The following NLGN4X variants were observed in gnomAD, a reference collection of about 807,000 sequenced individuals.
NLGN4X encodes neuroligin-4, X-linked.
In NLGN4X, 3 loss-of-function variants were observed where a neutral mutation model predicts 40.3. That is an observed-to-expected ratio of 0.07 (90% CI 0.03 to 0.19). NLGN4X has a LOEUF of 0.19. NLGN4X is among the 10% of genes least tolerant of loss of function. NLGN4X has a pLI of 1.00. For synonymous variants in NLGN4X, 270 were observed against 306.8 expected (o/e 0.88, Z 1.25); for missense variants, 382 against 708.3 (o/e 0.54, Z 5.23).
chrX:5,936,643 A>G (rs1436856697), intron 3 of NLGN4X, among the ~76,000 whole-genome samples: 1 of 111,965 alleles, frequency 8.9e-6, no homozygotes, highest in Non-Finnish European at 1.9e-5. Flanking sequence ...TGTTACTGGA[A>G]TTGGTACATA....
chrX:6,223,467 T>G (rs902270998), intron 1 of NLGN4X, among the ~76,000 whole-genome samples: 3 of 112,501 alleles, frequency 2.7e-5, no homozygotes, highest in African/African-American at 9.7e-5. Flanking sequence ...CATCTATACA[T>G]TTATTCAAAG....
intron 3 of NLGN4X, among the ~76,000 whole-genome samples, chrX:5,979,407 C>CA (rs1291351056): frequency 1.8e-5 from 2 of 110,294 alleles, no homozygotes; most frequent in Non-Finnish European, 3.8e-5. Context: ...GGTTTAACAA[C>CA]AAAAAAATTG....
chrX:6,192,283 A>G (rs12854839), intron 1 of NLGN4X, among the ~76,000 whole-genome samples: 54,492 of 108,773 alleles, frequency 0.5, 10,258 homozygotes, highest in Non-Finnish European at 0.58. Context: ...GTGCATCACC[A>G]TGTCTGGCTA....
chrX:5,918,043 T>C (rs2032879400), intron 3 of NLGN4X, among the ~76,000 whole-genome samples: 1 of 111,888 alleles, frequency 8.9e-6, no homozygotes, highest in Non-Finnish European at 1.9e-5. Flanking sequence ...TTACGGCAAA[T>C]GCTCATTCAA....
intron 2 of NLGN4X, among the ~76,000 whole-genome samples, chrX:6,063,497 T>G (rs12848943): frequency 0.21 from 22,990 of 110,572 alleles, 1,852 homozygotes; most frequent in Admixed American, 0.26. Flanking sequence ...TAAAACCTAA[T>G]TTATTTAACT....
chrX:6,215,903 G>A (rs182520775), intron 1 of NLGN4X, among the ~76,000 whole-genome samples: 1,344 of 104,792 alleles, frequency 0.013, 23 homozygotes, highest in African/African-American at 0.044. Context: ...TTGAGAGAGA[G>A]TCTTGCTCTG....
chrX:6,061,332 T>A (rs1416448208), intron 2 of NLGN4X, among the ~76,000 whole-genome samples: 1 of 110,601 alleles, frequency 9.0e-6, no homozygotes. Flanking sequence ...TACACTGTAC[T>A]GATTGATAAC....
intron 2 of NLGN4X, among the ~76,000 whole-genome samples, chrX:6,064,262 C>T (rs1404789863): frequency 9.0e-6 from 1 of 111,184 alleles, no homozygotes; most frequent in Non-Finnish European, 1.9e-5. Context: ...ATCGACTCTA[C>T]ATGACAGCAA....
chrX:6,108,023 A>C (rs944901544), intron 2 of NLGN4X, among the ~76,000 whole-genome samples: 2 of 111,883 alleles, frequency 1.8e-5, no homozygotes, highest in African/African-American at 6.5e-5. Context: ...CCTTCCCACA[A>C]CACAGTGCTG....
chrX:6,035,415 G>T (rs1318474399), intron 2 of NLGN4X, among the ~76,000 whole-genome samples: 2 of 111,739 alleles, frequency 1.8e-5, no homozygotes, highest in Non-Finnish European at 3.8e-5. Context: ...CTGTGTTGCT[G>T]AAGTTTCCTA....
At chrX:5,999,421 C>T (rs1361291716) in intron 3 of NLGN4X, among the ~76,000 whole-genome samples, 2 of 112,341 alleles carry the variant, frequency 1.8e-5, no homozygotes, top group African/African-American at 3.2e-5. Context: ...AAAGCTCAGC[C>T]ATGCTGTCAC....
At position 6,151,425 on chromosome X, in the gene NLGN4X, G is replaced by A; in HGVS notation, c.42C>T (p.Phe14=). ...AGTTTAACATGACGCAGACCGGGGT[G>A]AACAACAAAGGAAGCCATAGCAGTC... ...PQGLLWLPLL[F]TPVCVMLNSN... Residue 14 remains phenylalanine, a synonymous_variant, in exon 2 of 6, where the codon TTC becomes TTT. Transcript: ENST00000381095. The A allele has an allele frequency of 8.3e-7, 1 of 1,211,375 alleles. No homozygotes were observed.
At chrX:6,181,071 C>A (rs952105282) in intron 1 of NLGN4X, among the ~76,000 whole-genome samples, 1 of 111,352 alleles carries the variant, frequency 9.0e-6, no homozygotes, top group African/African-American at 3.3e-5. Flanking sequence ...TAGGATGGAA[C>A]TTAATTTTCA....
intron 1 of NLGN4X, among the ~76,000 whole-genome samples, chrX:6,191,862 T>TA (rs764131442): frequency 5.5e-5 from 6 of 109,817 alleles, no homozygotes; most frequent in African/African-American, 2.0e-4. Context: ...CTATCTCAAA[T>TA]AAAAAAAAAG....
chrX:5,951,366 A>G (rs7888612), intron 3 of NLGN4X, among the ~76,000 whole-genome samples: 5,093 of 111,690 alleles, frequency 0.046, 309 homozygotes, highest in African/African-American at 0.16. Flanking sequence ...GAATAAAAAT[A>G]TAAGGCAATC....
chrX:6,208,525 C>G (rs561658440), intron 1 of NLGN4X, among the ~76,000 whole-genome samples: 1 of 112,312 alleles, frequency 8.9e-6, no homozygotes, highest in South Asian at 3.6e-4. Context: ...TCTCATTGCA[C>G]TCTTTGCCCA....
intron 2 of NLGN4X, among the ~76,000 whole-genome samples, chrX:6,036,391 C>T (rs909315000): frequency 2.7e-5 from 3 of 111,575 alleles, no homozygotes; most frequent in African/African-American, 6.5e-5. Context: ...TCCTGTTCTA[C>T]GTATATTTAA....
intron 3 of NLGN4X, among the ~76,000 whole-genome samples, chrX:5,930,119 T>G (rs998871006): frequency 1.8e-5 from 2 of 112,040 alleles, no homozygotes; most frequent in African/African-American, 6.5e-5. Context: ...TTCTGTTTTT[T>G]CAAATGCTAA....
intron 3 of NLGN4X, among the ~76,000 whole-genome samples, chrX:5,924,850 AG>A (rs1490437305): frequency 9.5e-6 from 1 of 104,865 alleles, no homozygotes; most frequent in Non-Finnish European, 2.0e-5. Flanking sequence ...CTGGGGACTC[AG>A]AGGGAAAGGG....
Sources: gnomAD v4.1 joint callset for allele counts (sites outside exome capture counted in the v4.1 genomes callset) on GRCh38, gnomAD v4.1.1 for gene constraint, MANE v1.5 for transcripts, NCBI Gene and HGNC (gene_info 2026-07-23, HGNC 2026-07-21) for gene names.